ADGRL2: variants seen among roughly 807,000 people sequenced by gnomAD.
The protein encoded by ADGRL2 is adhesion G protein-coupled receptor L2.
In ADGRL2, 44 loss-of-function variants were observed where a neutral mutation model predicts 157.4. The observed-to-expected ratio is 0.28, with a 90% confidence interval of 0.22 to 0.36. ADGRL2 has a LOEUF of 0.36. ADGRL2 is among the 10% of genes least tolerant of loss of function. ADGRL2 has a pLI of 1.00. For missense variants in ADGRL2, 1,510 were observed against 1,768.9 expected (o/e 0.85, Z 2.63); for synonymous variants, 585 against 624.7 (o/e 0.94, Z 0.95).
chr1:81,681,818 T>C (rs888348797), intron 3 of ADGRL2, among the ~76,000 whole-genome samples: 12 of 152,174 alleles, frequency 7.9e-5, no homozygotes, highest in African/African-American at 2.9e-4. Flanking sequence ...ATGATTCATA[T>C]CGTTAATCAT....
chr1:81,971,757 T>C (rs1204666065), intron 16 of ADGRL2, 95 bp from the exon 17 acceptor site: 1 of 648,994 alleles, frequency 1.5e-6, no homozygotes, highest in Non-Finnish European at 2.8e-6. Flanking sequence ...AATGTAAAGA[T>C]AGTTTTGTCT....
chr1:81,979,942 G>C lies in ADGRL2; in HGVS notation c.3095G>C (p.Ser1032Thr), dbSNP rs748369948. Reference protein sequence around the residue: ...KHSNTLKPDSSRLENIKSWVL... With the variant: ...KHSNTLKPDSTRLENIKSWVL... ...TCAAACACTTTGAAACCAGATTCTA[G>C]CAGGTTGGAAAACATTAAGTAAGTA... Residue 1032 changes from serine (S) to threonine (T), a missense_variant, in exon 18 of 24, where the codon AGC becomes ACC. By Grantham distance (58) the Ser-to-Thr change is moderately conservative (BLOSUM62 1). Coordinates refer to ENST00000686636, the MANE Select transcript of ADGRL2 (RefSeq NM_001366006.2). 7.9e-5 allele frequency: 127 copies of C among 1,600,236 alleles called. No individual in the cohort carries two copies. Among genetic ancestry groups the C allele is most frequent in the Non-Finnish European group, 1.0e-4 (120 of 1,168,852 alleles).
intron 11 of ADGRL2, among the ~76,000 whole-genome samples, chr1:81,959,102 G>A (rs1654519951): frequency 1.3e-5 from 2 of 152,036 alleles, no homozygotes; most frequent in South Asian, 4.1e-4. Context: ...TTTCCAAGTG[G>A]TTGTACCATA....
At chr1:81,867,277 A>G (rs908669606) in intron 2 of ADGRL2, among the ~76,000 whole-genome samples, 11 of 152,310 alleles carry the variant, frequency 7.2e-5, no homozygotes, top group Admixed American at 3.3e-4. Flanking sequence ...GCCTGTATAT[A>G]AAGTGCTTTG....
intron 2 of ADGRL2, among the ~76,000 whole-genome samples, chr1:81,539,815 TA>T (rs11297905): frequency 0.043 from 6,195 of 143,292 alleles, 377 homozygotes; most frequent in African/African-American, 0.14. Flanking sequence ...GGGAAAAGAT[TA>T]AAAAAAAAAA....
chr1:81,907,530 C>A (rs923504223), intron 3 of ADGRL2, among the ~76,000 whole-genome samples: 1 of 151,038 alleles, frequency 6.6e-6, no homozygotes, highest in African/African-American at 2.4e-5. Flanking sequence ...TTTAAGGCTT[C>A]GAAAATTTGA....
At chr1:81,795,715 A>T (rs2087551649), upstream of ADGRL2, among the ~76,000 whole-genome samples, 1 of 152,162 alleles carries the variant, frequency 6.6e-6, no homozygotes. Context: ...AATTTGGACT[A>T]TTCTGTGACA....
chr1:81,668,651 C>T (rs2082803193), intron 3 of ADGRL2, among the ~76,000 whole-genome samples: 1 of 152,076 alleles, frequency 6.6e-6, no homozygotes, highest in South Asian at 2.1e-4. Context: ...GCAACCTCTG[C>T]CTCTGAGTTC....
chr1:81,572,768 G>A (rs1169089940), intron 2 of ADGRL2, among the ~76,000 whole-genome samples: 1 of 151,944 alleles, frequency 6.6e-6, no homozygotes, highest in Non-Finnish European at 1.5e-5. Flanking sequence ...AAATTAAACA[G>A]ATTTCTTTTT....
intron 3 of ADGRL2, among the ~76,000 whole-genome samples, chr1:81,935,353 C>T (rs186218620): frequency 1.1e-3 from 164 of 150,698 alleles, no homozygotes; most frequent in Non-Finnish European, 1.8e-3. Context: ...ATAAAAGTTA[C>T]TTATACTTTA....
intron 1 of ADGRL2, among the ~76,000 whole-genome samples, chr1:81,323,411 A>ATTTTTT (rs138358062): frequency 8.2e-5 from 9 of 109,734 alleles, no homozygotes; most frequent in East Asian, 2.7e-4. Context: ...GACTAATTCA[A>ATTTTTT]TTTTTTTTTT....
intron 2 of ADGRL2, among the ~76,000 whole-genome samples, chr1:81,764,707 G>A (rs2086050437): frequency 1.3e-5 from 2 of 152,084 alleles, no homozygotes; most frequent in African/African-American, 4.8e-5. Flanking sequence ...ATGATTTTCA[G>A]TAAGATACAT....
At chr1:81,914,422 G>A (rs1043137552) in intron 3 of ADGRL2, among the ~76,000 whole-genome samples, 2 of 152,036 alleles carry the variant, frequency 1.3e-5, no homozygotes, top group African/African-American at 4.8e-5. Context: ...TTTTATTCCT[G>A]AATTATTATG....
At chr1:81,723,386 A>T (rs907212553) in intron 1 of ADGRL2, among the ~76,000 whole-genome samples, 1 of 152,244 alleles carries the variant, frequency 6.6e-6, no homozygotes, top group Non-Finnish European at 1.5e-5. Context: ...ACTAGGAATT[A>T]CAAACTTTAA....
intron 3 of ADGRL2, among the ~76,000 whole-genome samples, chr1:81,621,421 G>A (rs1047178578): frequency 6.6e-6 from 1 of 152,134 alleles, no homozygotes; most frequent in African/African-American, 2.4e-5. Context: ...CATCTTAGAA[G>A]ACTGGAAAGA....
chr1:81,707,400 A>C (rs748583367), intron 1 of ADGRL2, among the ~76,000 whole-genome samples: 9 of 152,022 alleles, frequency 5.9e-5, no homozygotes, highest in Non-Finnish European at 1.0e-4. Flanking sequence ...GAATGTGAAA[A>C]TTTCTTGTTT....
At chr1:81,655,599 T>G (rs2148859090) in intron 3 of ADGRL2, among the ~76,000 whole-genome samples, 1 of 152,300 alleles carries the variant, frequency 6.6e-6, no homozygotes, top group Non-Finnish European at 1.5e-5. Flanking sequence ...TTTTTGCTTT[T>G]ACCTATTTTA....
At chr1:81,786,114 A>G (rs2087033064) in intron 2 of ADGRL2, among the ~76,000 whole-genome samples, 1 of 152,108 alleles carries the variant, frequency 6.6e-6, no homozygotes, top group Admixed American at 6.5e-5. Flanking sequence ...CAAAAAATAA[A>G]ATAAAATTAA....
intron 2 of ADGRL2, among the ~76,000 whole-genome samples, chr1:81,788,055 T>C (rs771599101): frequency 1.3e-5 from 2 of 152,190 alleles, no homozygotes; most frequent in African/African-American, 2.4e-5. Flanking sequence ...TTTATAGAAA[T>C]GTGGGTGATG....
Sources: allele counts gnomAD v4.1 joint callset (sites outside exome capture counted in the v4.1 genomes callset), GRCh38; gene constraint gnomAD v4.1.1; transcripts MANE v1.5; gene names NCBI Gene and HGNC (gene_info 2026-07-23, HGNC 2026-07-21).